The following SEMA4D variants were observed in gnomAD, a reference collection of about 807,000 sequenced individuals.
SEMA4D encodes semaphorin 4D, also known as semaphorin-4D.
A neutral mutation model predicts 74.8 loss-of-function variants in SEMA4D; 22 were observed. The observed-to-expected ratio is 0.29, with a 90% CI of 0.21 to 0.42. The LOEUF is 0.42. Ranked by LOEUF, SEMA4D falls within the 10% of genes least tolerant of loss-of-function variation. The pLI, the probability that SEMA4D is intolerant of heterozygous loss-of-function variation, is 1.00. For missense variants in SEMA4D, 937 were observed against 1,118.4 expected, an observed-to-expected ratio of 0.84 and a Z score of 2.31; for synonymous variants, 445 against 463.7, an observed-to-expected ratio of 0.96 and a Z score of 0.52.
intron 16 of SEMA4D, among the ~76,000 whole-genome samples, chr9:89,370,004 TTGG>T (rs960158795): frequency 3.3e-5 from 5 of 151,536 alleles, no homozygotes; most frequent in African/African-American, 1.2e-4. Flanking sequence ...AGTGGTATGA[TTGG>T]TGTGTGTGTG....
chr9:89,426,915 C>T lies in SEMA4D; in HGVS notation c.-243-21216G>A, dbSNP rs147062400. The stretch of plus-strand genomic sequence containing the variant: ...TAGACAATGTGACAACCACAACACC[C>T]GGCTACGATGGTAAGGAGCAAACAC... On this transcript the variant is annotated intron_variant, in intron 2 of 15. Transcript: ENST00000422704. Among the ~76,000 whole-genome samples, 45 of 152,342 alleles carry T rather than the reference C, an allele frequency of 3.0e-4. No individual in the cohort carries two copies. The East Asian group carries it at 5.2e-3, about 18-fold the overall frequency.
At chr9:89,409,658 G>T (rs1022696533) in intron 2 of SEMA4D, among the ~76,000 whole-genome samples, 2 of 152,156 alleles carry the variant, frequency 1.3e-5, no homozygotes, top group South Asian at 2.1e-4. Flanking sequence ...AGGGTTCATG[G>T]CCTGGACACA....
At chr9:89,384,744 G>T (rs866651106) in intron 13 of SEMA4D, 1 of 985,458 alleles carries the variant, frequency 1.0e-6, no homozygotes, top group African/African-American at 1.7e-5. Context: ...TGTAGGACAG[G>T]GGGAGGGCGT....
chr9:89,469,492 C>A (rs1273743124), intron 1 of SEMA4D, among the ~76,000 whole-genome samples: 1 of 152,132 alleles, frequency 6.6e-6, no homozygotes, highest in East Asian at 1.9e-4. Flanking sequence ...TAGGACAATA[C>A]CCCTCATGAA....
intron 1 of SEMA4D, among the ~76,000 whole-genome samples, chr9:89,462,982 GGGAGAA>G (rs1326739992): frequency 8.8e-5 from 13 of 147,338 alleles, no homozygotes; most frequent in Non-Finnish European, 1.7e-4. Flanking sequence ...AGGGGAGCGA[GGGAGAA>G]AGAGAGGCAT....
intron 2 of SEMA4D, among the ~76,000 whole-genome samples, chr9:89,434,674 T>A (rs968543756): frequency 3.9e-5 from 6 of 152,206 alleles, no homozygotes; most frequent in Admixed American, 6.5e-5. Flanking sequence ...GGTTCTTAAG[T>A]GAATCCTATC....
At chr9:89,494,100 T>A (rs979937032) in intron 1 of SEMA4D, among the ~76,000 whole-genome samples, 1 of 152,236 alleles carries the variant, frequency 6.6e-6, no homozygotes, top group East Asian at 1.9e-4. Context: ...ATTCATCTGT[T>A]ATTAAGACGT....
At position 89,497,906 on chromosome 9, in the gene SEMA4D, C is replaced by A. The variant is rs1236643195; in HGVS notation, c.-310+13G>T. 6.6e-6 allele frequency: 1 copy of A among 151,132 alleles called. No individual in the cohort carries two copies. Among genetic ancestry groups the A allele is most frequent in the Non-Finnish European group, 1.5e-5 (1 of 67,538 alleles). 9.4% of individuals were successfully genotyped at this position (151,132 alleles called of 1,614,324 possible). On this transcript the variant is annotated intron_variant, in intron 1 of 15. Coordinates refer to ENST00000422704, the MANE Select transcript of SEMA4D (RefSeq NM_001371194.2). ...CCGCGCGCCCTCCCTCCCGCGCCAG[C>A]CCGGCCGCTTACCTGCAGCGCGCGT...
chr9:89,360,831 GAA>G (rs770654889), exon 19 of SEMA4D: 1 of 151,738 alleles, frequency 6.6e-6, no homozygotes, highest in Non-Finnish European at 1.5e-5. Context: ...GCAGAGCAAA[GAA>G]AGACTCAGAA....
At chr9:89,364,340 T>G in intron 16 of SEMA4D, 1 of 312,050 alleles carries the variant, frequency 3.2e-6, no homozygotes, top group Non-Finnish European at 6.3e-6. Context: ...GACAGAGACA[T>G]CCCAAGGCTC....
At chr9:89,421,106 C>T (rs1846841282) in intron 2 of SEMA4D, among the ~76,000 whole-genome samples, 4 of 152,228 alleles carry the variant, frequency 2.6e-5, no homozygotes, top group Admixed American at 2.6e-4. Flanking sequence ...GGGATCGGGG[C>T]TTCCCCAGGT....
intron 2 of SEMA4D, among the ~76,000 whole-genome samples, chr9:89,448,620 C>T (rs1853563802): frequency 6.6e-6 from 1 of 152,252 alleles, no homozygotes; most frequent in South Asian, 2.1e-4. Flanking sequence ...GGCGTAAAAC[C>T]ACGAGGCCTC....
intron 13 of SEMA4D, chr9:89,385,263 G>C: frequency 1.0e-6 from 1 of 985,276 alleles, no homozygotes; most frequent in African/African-American, 1.7e-5. Context: ...GGAACAGAGT[G>C]TCATTCTCAC....
intron 13 of SEMA4D, chr9:89,385,986 C>A (rs115046364): frequency 1.1e-5 from 11 of 985,042 alleles, no homozygotes; most frequent in Non-Finnish European, 1.3e-5. Flanking sequence ...GGATTTTCCA[C>A]GGTGACGAGT....
Position 89,378,727 on chromosome 9 carries a change from C to A in SEMA4D, c.2566G>T (p.Asp856Tyr). Residue 856 changes from aspartate to tyrosine, a missense_variant, in exon 16 of 16, where the codon GAC becomes TAC. Physicochemically the swap from Asp to Tyr is radical, Grantham distance 160 (BLOSUM62 -3). Coordinates refer to ENST00000422704, the MANE Select transcript of SEMA4D (RefSeq NM_001371194.2). The stretch of plus-strand genomic sequence containing the variant: ...CCTCAGTCTCCATCTGCGTCTGAGT[C>A]AGCGAACTTCAGCTCACACTTGACG... The part of the protein sequence containing the change: ...FDVKCELKFA[D>Y]SDADGD 6.2e-7 allele frequency: 1 copy of A among 1,614,114 alleles called. No homozygotes were observed. Among genetic ancestry groups the A allele is most frequent in the South Asian group, 1.1e-5 (1 of 91,084 alleles).
At chr9:89,387,299 C>A (rs149521201) in intron 12 of SEMA4D, 87 bp downstream of exon 12, 1 of 1,200,812 alleles carries the variant, frequency 8.3e-7, no homozygotes. Flanking sequence ...GAACTACTCA[C>A]GAAAGAATAA....
Position 89,438,857 on chromosome 9 carries a change from G to A in SEMA4D, c.-244+17031C>T, listed in dbSNP as rs1851040820. 5.3e-5 allele frequency among the ~76,000 whole-genome samples: 8 copies of A among 150,240 alleles called. No individual in the cohort carries two copies. In the South Asian group the frequency reaches 1.7e-3, roughly 32 times the overall value. On this transcript the variant is annotated intron_variant, in intron 2 of 15. Coordinates refer to ENST00000422704, the MANE Select transcript of SEMA4D (RefSeq NM_001371194.2). ...ATTTTTTGTATTTTTAGTAGAGACG[G>A]GGTTTCACCGTGTTAGCCAGGATGG...
chr9:89,488,779 G>A (rs1825399685), intron 1 of SEMA4D, among the ~76,000 whole-genome samples: 1 of 152,026 alleles, frequency 6.6e-6, no homozygotes, highest in African/African-American at 2.4e-5. Flanking sequence ...CTTAAATAGG[G>A]TACAAAAAGC....
chr9:89,433,976 G>A (rs1200972241), intron 2 of SEMA4D, among the ~76,000 whole-genome samples: 1 of 152,188 alleles, frequency 6.6e-6, no homozygotes, highest in Non-Finnish European at 1.5e-5. Context: ...GCAGACGTGG[G>A]CAGGAATCTG....
Sources: gnomAD v4.1 joint callset for allele counts (sites outside exome capture counted in the v4.1 genomes callset) on GRCh38, gnomAD v4.1.1 for gene constraint, MANE v1.5 for transcripts, NCBI Gene and HGNC (gene_info 2026-07-23, HGNC 2026-07-21) for gene names.